DNMBP: variants seen among roughly 807,000 people sequenced by gnomAD.
DNMBP encodes the protein dynamin binding protein, also known as dynamin-binding protein.
In DNMBP, 87 loss-of-function variants were observed where a neutral mutation model predicts 150.0. The ratio of observed to expected loss-of-function variants is 0.58; its 90% CI spans 0.49 to 0.69. The LOEUF (loss-of-function observed/expected upper bound fraction) is 0.69. DNMBP is among the 30% of genes least tolerant of loss of function. DNMBP has a pLI of 0.00. For missense variants in DNMBP, 1,774 were observed against 1,949.0 expected (o/e 0.91, Z 1.69); for synonymous variants, 711 against 750.4 (o/e 0.95, Z 0.86).
At chr10:99,909,716 T>C (rs775987198) in intron 4 of DNMBP, among the ~76,000 whole-genome samples, 3 of 151,930 alleles carry the variant, frequency 2.0e-5, no homozygotes, top group African/African-American at 4.8e-5. Flanking sequence ...GTAAAAAAAA[T>C]TGTTTAGATT....
In DNMBP at chr10:99,956,042, G is replaced by C. The variant is rs553399057; in HGVS notation, c.1432C>G (p.Leu478Val). 18 of 1,614,222 alleles carry C rather than the reference G, an allele frequency of 1.1e-5. No individual in the cohort carries two copies. In the South Asian group the frequency reaches 2.0e-4, roughly 18 times the overall value. ...GCTGAAACAGAAGAGCCCCTGTAAA[G>C]AGGGAGCACTGGCTTCTGAAGAGTT... ...LKTLQKPVLP[L>V]YRGSSVSASR... Residue 478 changes from leucine to valine, a missense_variant, in exon 4 of 17, where the codon CTT becomes GTT. Physicochemically the swap from Leu to Val is conservative, Grantham distance 32. This residue lies in a region of DNMBP where 1,430 missense variants were observed against 1,492.5 expected (regional missense o/e 0.96). Coordinates refer to ENST00000324109, the MANE Select transcript of DNMBP (RefSeq NM_015221.4).
intron 1 of DNMBP, among the ~76,000 whole-genome samples, chr10:100,000,343 G>A (rs2040995432): frequency 6.6e-6 from 1 of 152,092 alleles, no homozygotes; most frequent in Admixed American, 6.6e-5. Context: ...TATCCTAAGA[G>A]AATCACCTCA....
intron 4 of DNMBP, among the ~76,000 whole-genome samples, chr10:99,933,304 A>G (rs2040181815): frequency 6.6e-6 from 1 of 151,500 alleles, no homozygotes; most frequent in African/African-American, 2.4e-5. Flanking sequence ...TCAAAAAATA[A>G]TAATAATCAA....
chr10:99,993,341 G>A (rs575182455), intron 1 of DNMBP, among the ~76,000 whole-genome samples: 3 of 152,274 alleles, frequency 2.0e-5, no homozygotes, highest in Non-Finnish European at 4.4e-5. Flanking sequence ...TGGGGGTAAT[G>A]AAAATGCTCT....
rs535885963 is a variant in DNMBP, at chr10:100,001,624, G to A, written c.-11+8214C>T. On this transcript the variant is annotated intron_variant, in intron 1 of 16. Transcript: ENST00000324109. ...GATGGGGTTTGGCCATGTTGTCCAG[G>A]CTGGTCTTGAACTCCTGAGCTCAAG... is the stretch of plus-strand genomic sequence containing the variant. Among the ~76,000 whole-genome samples, 62 of 152,190 alleles carry A rather than the reference G, an allele frequency of 4.1e-4. 1 individual carries two copies. Among genetic ancestry groups the A allele is most frequent in the African/African-American group, 9.9e-4 (41 of 41,532 alleles).
chr10:99,930,103 C>G (rs748082390), intron 4 of DNMBP: 54 of 702,794 alleles, frequency 7.7e-5, no homozygotes, highest in Non-Finnish European at 1.4e-4. Context: ...CCATTCGAAT[C>G]TGAAAAGCTC....
chr10:99,898,368 A>T, intron 8 of DNMBP, 83 bp from the exon 9 acceptor site: 1 of 1,207,750 alleles, frequency 8.3e-7, no homozygotes, highest in Non-Finnish European at 1.2e-6. Context: ...CCCACCTTAA[A>T]AAAAACTTTT....
chr10:99,940,909 G>C (rs190520283), intron 4 of DNMBP, among the ~76,000 whole-genome samples: 8 of 152,184 alleles, frequency 5.3e-5, no homozygotes, highest in Non-Finnish European at 8.8e-5. Flanking sequence ...TTTTGAGACA[G>C]AGTCTAACTT....
chr10:99,943,959 T>C (rs1271924975), intron 4 of DNMBP, among the ~76,000 whole-genome samples: 2 of 152,230 alleles, frequency 1.3e-5, no homozygotes, highest in Non-Finnish European at 1.5e-5. Flanking sequence ...TCTGATTTAA[T>C]TTGCAACAGA....
chr10:99,935,722 G>A (rs1412590282), intron 4 of DNMBP, among the ~76,000 whole-genome samples: 33 of 152,116 alleles, frequency 2.2e-4, no homozygotes, highest in Admixed American at 1.8e-3. Flanking sequence ...ACACCCTGCC[G>A]CCCGGCTAAT....
chr10:99,990,798 CACATATATACACATAT>C (rs1564756362), intron 1 of DNMBP, among the ~76,000 whole-genome samples: 223 of 104,370 alleles, frequency 2.1e-3, no homozygotes, highest in African/African-American at 7.7e-3. Flanking sequence ...CATATATACA[CACATATATACACATAT>C]ATATATATAC....
chr10:99,902,801 G>A (rs899438400), intron 6 of DNMBP, among the ~76,000 whole-genome samples: 6 of 151,538 alleles, frequency 4.0e-5, no homozygotes, highest in African/African-American at 1.2e-4. Context: ...GGTGGCAGGC[G>A]CCTGTAATCC....
Position 99,877,066 on chromosome 10 carries a change from G to T in DNMBP, c.*85C>A. 7.9e-7 allele frequency: 1 copy of T among 1,268,516 alleles called. No homozygotes were observed. The highest frequency in any genetic ancestry group is 1.1e-6 in the Non-Finnish European group (1 of 908,616). 78.6% of individuals were successfully genotyped at this position (1,268,516 alleles called of 1,614,324 possible). ...AACGCAGACAGGGCCTGTGTCTCAG[G>T]AGCAGGCGCCCTCTCGGTGGGCCGC... is the stretch of plus-strand genomic sequence containing the variant. On this transcript the variant is annotated 3_prime_UTR_variant, in exon 17 of 17. Coordinates refer to ENST00000324109, the MANE Select transcript of DNMBP (RefSeq NM_015221.4).
chr10:99,894,694 T>G (rs1363476105), intron 11 of DNMBP, among the ~76,000 whole-genome samples: 1 of 152,154 alleles, frequency 6.6e-6, no homozygotes, highest in Non-Finnish European at 1.5e-5. Flanking sequence ...AAGGTGTGTG[T>G]GGGATGAAGG....
intron 4 of DNMBP, among the ~76,000 whole-genome samples, chr10:99,931,858 T>G (rs1177130635): frequency 6.6e-6 from 1 of 152,216 alleles, no homozygotes; most frequent in Non-Finnish European, 1.5e-5. Flanking sequence ...GCAAAGTCCC[T>G]GGCATGGCAA....
chr10:99,891,466 C>A (rs2039558998), intron 11 of DNMBP, among the ~76,000 whole-genome samples: 1 of 152,156 alleles, frequency 6.6e-6, no homozygotes, highest in Non-Finnish European at 1.5e-5. Context: ...GAGTCTCGTT[C>A]ACTCAGTGCT....
intron 7 of DNMBP, among the ~76,000 whole-genome samples, chr10:99,899,648 AC>A (rs764006721): frequency 8.0e-5 from 11 of 136,728 alleles, no homozygotes; most frequent in African/African-American, 3.0e-4. Flanking sequence ...AAAAAAAAAA[AC>A]CCTGTATTTA....
chr10:100,001,625 C>T (rs1304274961), intron 1 of DNMBP, among the ~76,000 whole-genome samples: 3 of 152,054 alleles, frequency 2.0e-5, no homozygotes, highest in Non-Finnish European at 4.4e-5. Flanking sequence ...GTTGTCCAGG[C>T]TGGTCTTGAA....
At chr10:99,915,212 CAT>C (rs1443795547) in intron 4 of DNMBP, among the ~76,000 whole-genome samples, 14 of 114,566 alleles carry the variant, frequency 1.2e-4, no homozygotes, top group Non-Finnish European at 1.4e-4. Context: ...TACATATATA[CAT>C]ACACACACAC....
Sources: gnomAD v4.1 joint callset for allele counts (sites outside exome capture counted in the v4.1 genomes callset) on GRCh38, gnomAD v4.1.1 for gene constraint, gnomAD v4.1.1 regional missense constraint, MANE v1.5 for transcripts, NCBI Gene and HGNC (gene_info 2026-07-23, HGNC 2026-07-21) for gene names.